PTPN5: variants seen among roughly 807,000 people sequenced by gnomAD.
PTPN5 encodes protein tyrosine phosphatase non-receptor type 5.
A neutral mutation model predicts 73.9 loss-of-function variants in PTPN5; 29 were observed. The observed-to-expected ratio is 0.39, with a 90% CI of 0.29 to 0.54. The LOEUF is 0.54. Among genes scored for constraint, PTPN5 ranks in the 20% least tolerant of loss-of-function variants. PTPN5 has a pLI of 0.65. For synonymous variants in PTPN5, 267 were observed against 304.7 expected (o/e 0.88, Z 1.29); for missense variants, 652 against 751.4 (o/e 0.87, Z 1.55).
At chr11:18,781,826 C>T (rs563242533) in intron 1 of PTPN5, among the ~76,000 whole-genome samples, 1 of 152,086 alleles carries the variant, frequency 6.6e-6, no homozygotes, top group Non-Finnish European at 1.5e-5. Flanking sequence ...GCATTAAAGG[C>T]CCACTGAGGC....
chr11:18,773,213 G>A (rs1053128633), intron 1 of PTPN5, among the ~76,000 whole-genome samples: 3 of 151,868 alleles, frequency 2.0e-5, no homozygotes, highest in Admixed American at 1.3e-4. Context: ...TGGGAGAGGC[G>A]GCTTGGCTGC....
Position 18,728,985 on chromosome 11 carries a change from G to A in PTPN5, c.1647C>T (p.His549=), listed in dbSNP as rs145926889. 43 of 1,613,834 alleles carry A rather than the reference G, an allele frequency of 2.7e-5. 1 individual carries two copies. In the East Asian group the frequency reaches 5.1e-4, roughly 19 times the overall value. ...IQTCEQYQFV[H]HVMSLYEKQL... ...GCTTTTCGTAGAGGCTCATGACGTG[G>A]TGCACAAACTGGTACTGCTCGCATG... Residue 549 remains histidine (H), a synonymous_variant, in exon 15 of 15, where the codon CAC becomes CAT. Coordinates refer to ENST00000358540, the MANE Select transcript of PTPN5 (RefSeq NM_006906.2). This position sits in a 1 kb window ranked among gnomAD's most constrained non-coding sequence, Gnocchi z 4.1.
chr11:18,775,702 T>G (rs1851116822), intron 1 of PTPN5, among the ~76,000 whole-genome samples: 2 of 152,236 alleles, frequency 1.3e-5, no homozygotes, highest in Admixed American at 6.5e-5. Context: ...GGCTACTGTG[T>G]GACCTTGGGC....
At chr11:18,732,728 A>G (rs1564886490) in intron 11 of PTPN5, 26 bp from the exon 12 acceptor site, 1 of 1,587,190 alleles carries the variant, frequency 6.3e-7, no homozygotes, top group Non-Finnish European at 8.6e-7. Flanking sequence ...TCAGGCTGCC[A>G]TACAATCCTG....
rs756355708 is a variant in PTPN5, at chr11:18,742,389, TCTC to T, written c.595_597del (p.Glu199del). On this transcript the variant is annotated inframe_deletion, in exon 7 of 15. Transcript: ENST00000358540. This position sits in a 1 kb window ranked among gnomAD's most constrained non-coding sequence, Gnocchi z 4.1. ...AGGTCCAGGAAGTCATCCTCGATCT[TCTC>T]CTCCATCCACTCTGAGTAGGTGAAG... 12 of 1,614,010 alleles carry T rather than the reference TCTC, an allele frequency of 7.4e-6. No homozygotes were observed. The highest frequency in any genetic ancestry group is 6.6e-5 in the South Asian group (6 of 91,080).
intron 1 of PTPN5, among the ~76,000 whole-genome samples, chr11:18,779,719 G>C (rs1467830138): frequency 2.0e-5 from 3 of 152,126 alleles, no homozygotes; most frequent in Admixed American, 6.5e-5. Flanking sequence ...CTCAGTCACG[G>C]GCTGAATTCC....
chr11:18,782,616 T>C (rs1370651857), intron 1 of PTPN5, among the ~76,000 whole-genome samples: 4 of 152,212 alleles, frequency 2.6e-5, no homozygotes, highest in Non-Finnish European at 5.9e-5. Flanking sequence ...CCATCTACAA[T>C]GATAGAAATT....
intron 1 of PTPN5, among the ~76,000 whole-genome samples, chr11:18,778,027 G>GAAGT (rs1851251103): frequency 6.7e-6 from 1 of 149,812 alleles, no homozygotes; most frequent in South Asian, 2.1e-4. Context: ...AGGAAGGAAG[G>GAAGT]GCCCTGATTT....
intron 8 of PTPN5, among the ~76,000 whole-genome samples, chr11:18,739,301 T>C (rs1380196495): frequency 6.6e-6 from 1 of 152,204 alleles, no homozygotes; most frequent in Non-Finnish European, 1.5e-5. Flanking sequence ...ATGTGATTCT[T>C]TCTCGAAGGG....
At chr11:18,755,929 G>A (rs1025905513) in intron 3 of PTPN5, among the ~76,000 whole-genome samples, 8 of 151,200 alleles carry the variant, frequency 5.3e-5, no homozygotes, top group South Asian at 4.2e-4. Flanking sequence ...GCTTGAACCC[G>A]GGAGGTGGAG....
chr11:18,776,048 T>C (rs1415493762), intron 1 of PTPN5, among the ~76,000 whole-genome samples: 1 of 152,166 alleles, frequency 6.6e-6, no homozygotes, highest in Non-Finnish European at 1.5e-5. Context: ...AGGCAGGATT[T>C]TGGAGTTCAA....
At chr11:18,743,722 T>A (rs1485797904) in intron 4 of PTPN5, 4 of 574,602 alleles carry the variant, frequency 7.0e-6, no homozygotes, top group Non-Finnish European at 1.2e-5. Context: ...CAGACAGGAG[T>A]TCTCAGGAGA....
chr11:18,733,354 T>C lies in PTPN5; in HGVS notation c.1099A>G (p.Lys367Glu), dbSNP rs775432004. The C allele has an allele frequency of 1.7e-5, 28 of 1,613,794 alleles. No individual in the cohort carries two copies. Among genetic ancestry groups the C allele is most frequent in the Non-Finnish European group, 2.4e-5 (28 of 1,179,898 alleles). The stretch of plus-strand genomic sequence containing the variant: ...GGTCCCTGAGTGGCGATGTACACCT[T>C]CTCCTCCCCACCATAGCCCTGCGGC... ...NYIRGYGGEEKVYIATQGPIV... is the reference protein window; with the variant it reads ...NYIRGYGGEEEVYIATQGPIV... Residue 367 changes from lysine (K) to glutamate (E), a missense_variant, in exon 11 of 15, where the codon AAG becomes GAG. Physicochemically the swap from Lys to Glu is moderately conservative, Grantham distance 56 (BLOSUM62 1). Coordinates refer to ENST00000358540, the MANE Select transcript of PTPN5 (RefSeq NM_006906.2). This position sits in a 1 kb window ranked among gnomAD's most constrained non-coding sequence, Gnocchi z 4.3.
rs150533937 is a variant in PTPN5 at position 18,767,172 on chromosome 11, C to A, written c.21-1289G>T. 9.3e-3 allele frequency among the ~76,000 whole-genome samples: 1,415 copies of A among 152,326 alleles called. 19 individuals are homozygous for A. The highest frequency in any genetic ancestry group is 0.032 in the African/African-American group (1,342 of 41,572). On this transcript the variant is annotated intron_variant, in intron 2 of 14. Coordinates refer to ENST00000358540, the MANE Select transcript of PTPN5 (RefSeq NM_006906.2). ...CAGAGGCTCAGCTGCTTCTCTGCCC[C>A]CAAGTCCTGCTATCCTGCTTCTTGG... is the stretch of plus-strand genomic sequence containing the variant.
intron 2 of PTPN5, among the ~76,000 whole-genome samples, chr11:18,770,348 C>T (rs1246076764): frequency 1.3e-5 from 2 of 152,184 alleles, no homozygotes; most frequent in Admixed American, 6.5e-5. Context: ...CTTTCTGTCT[C>T]TATGGGTTTG....
chr11:18,746,371 T>C (rs1294312335), intron 3 of PTPN5, among the ~76,000 whole-genome samples: 2 of 151,620 alleles, frequency 1.3e-5, no homozygotes, highest in Non-Finnish European at 2.9e-5. Context: ...TTTGTATTTT[T>C]AGTAGAGACA....
In PTPN5 at chr11:18,729,758, T is replaced by C. The variant is rs1564883797; in HGVS notation, c.1390A>G (p.Thr464Ala). ...YWFTSWPDQK[T>A]PDRAPPLLHL... ...AGGAGTGGGGGGGCCCGGTCTGGGG[T>C]CTTCTGGTCGGGCCAGGATGTGAAC... The change falls in exon 13 of 15, where the codon ACC becomes GCC. Residue 464 changes from threonine (T) to alanine (A), a missense_variant. Thr to Ala is a moderately conservative substitution (Grantham distance 58). Transcript: ENST00000358540. This position sits in a 1 kb window ranked among gnomAD's most constrained non-coding sequence, Gnocchi z 5.2. 6.2e-7 allele frequency: 1 copy of C among 1,610,482 alleles called. No individual in the cohort carries two copies. Among genetic ancestry groups the C allele is most frequent in the East Asian group, 2.2e-5 (1 of 44,758 alleles).
chr11:18,765,776 CT>C (rs1850616072), intron 3 of PTPN5, 30 bp downstream of exon 3: 1 of 1,464,976 alleles, frequency 6.8e-7, no homozygotes, highest in Non-Finnish European at 9.4e-7. Context: ...ATTCTGAGGT[CT>C]GGGAGGAGCT....
At chr11:18,772,222 C>T (rs1044542702) in intron 1 of PTPN5, among the ~76,000 whole-genome samples, 151 bp from the exon 2 acceptor site, 1 of 152,202 alleles carries the variant, frequency 6.6e-6, no homozygotes, top group African/African-American at 2.4e-5. Flanking sequence ...GCTACACAGA[C>T]AGCCCAGAAT....
Sources: allele counts gnomAD v4.1 joint callset (sites outside exome capture counted in the v4.1 genomes callset), GRCh38; gene constraint gnomAD v4.1.1; non-coding constraint Gnocchi (gnomAD v3.1); transcripts MANE v1.5; gene names NCBI Gene and HGNC (gene_info 2026-07-23, HGNC 2026-07-21).